PROS1: variants seen among roughly 807,000 people sequenced by gnomAD.
PROS1 encodes the protein vitamin K-dependent protein S.
Under a neutral mutation model 75.9 loss-of-function variants are expected in PROS1, and 29 were observed. The observed-to-expected ratio is 0.38, with a 90% CI of 0.28 to 0.52. The LOEUF (loss-of-function observed/expected upper bound fraction) is 0.52. Among genes scored for constraint, PROS1 ranks in the 20% least tolerant of loss-of-function variants. The pLI is 0.83. For synonymous variants in PROS1, 245 were observed against 280.6 expected (o/e 0.87, Z 1.27); for missense variants, 680 against 810.3 (o/e 0.84, Z 1.95).
chr3:93,885,517 C>T (rs373015891), intron 11 of PROS1, among the ~76,000 whole-genome samples: 19 of 152,160 alleles, frequency 1.2e-4, no homozygotes, highest in Non-Finnish European at 1.0e-4. Flanking sequence ...TGAACCACCA[C>T]GCCTGGCCTT....
chr3:93,875,815 T>C (rs1278375442), intron 14 of PROS1, among the ~76,000 whole-genome samples: 1 of 152,106 alleles, frequency 6.6e-6, no homozygotes, highest in Non-Finnish European at 1.5e-5. Context: ...TTATCAGAGG[T>C]CCAGACATCA....
chr3:93,972,932 T>TA (rs776881659), intron 1 of PROS1, among the ~76,000 whole-genome samples: 1 of 152,168 alleles, frequency 6.6e-6, no homozygotes, highest in Non-Finnish European at 1.5e-5. Context: ...TAAAATGTAC[T>TA]AATTGCCTTG....
chr3:93,956,422 G>C (rs1441031191), intron 1 of PROS1, among the ~76,000 whole-genome samples: 1 of 151,990 alleles, frequency 6.6e-6, no homozygotes, highest in Non-Finnish European at 1.5e-5. Context: ...GCCTAAGCCT[G>C]GGAGGCTGAG....
chr3:93,928,625 A>T, intron 1 of PROS1: 1 of 517,928 alleles, frequency 1.9e-6, no homozygotes, highest in Non-Finnish European at 3.3e-6. Flanking sequence ...CTCTGTGGAG[A>T]TTGTTGTTGA....
At chr3:93,946,920 T>C (rs1709411070) in intron 1 of PROS1, among the ~76,000 whole-genome samples, 1 of 151,016 alleles carries the variant, frequency 6.6e-6, no homozygotes, top group African/African-American at 2.4e-5. Context: ...TCTACCCATC[T>C]GACAAAGGGC....
chr3:93,928,714 A>AG, intron 1 of PROS1: 1 of 1,274,022 alleles, frequency 7.8e-7, no homozygotes, highest in Non-Finnish European at 1.0e-6. Context: ...CATATAGAAT[A>AG]GAAAAAATTG....
At chr3:93,921,115 C>T (rs1162980385) in intron 3 of PROS1, among the ~76,000 whole-genome samples, 1 of 152,130 alleles carries the variant, frequency 6.6e-6, no homozygotes, top group African/African-American at 2.4e-5. Context: ...AACTCCTGGC[C>T]TCAAGTGATC....
chr3:93,884,670 G>A (rs1708321007), intron 12 of PROS1, 58 bp downstream of exon 12: 4 of 1,489,742 alleles, frequency 2.7e-6, no homozygotes, highest in Non-Finnish European at 3.7e-6. Flanking sequence ...ATTACTGTTT[G>A]TTAATGAATA....
intron 1 of PROS1, among the ~76,000 whole-genome samples, chr3:93,958,350 T>A (rs1263332649): frequency 6.6e-6 from 1 of 152,122 alleles, no homozygotes; most frequent in African/African-American, 2.4e-5. Flanking sequence ...ATAGTTTAGG[T>A]CTTGCTAATG....
rs1264315849 is a variant in PROS1, at chr3:93,951,719, T to A, written c.76+21955A>T. Among the ~76,000 whole-genome samples, 5 of 152,242 alleles carry A rather than the reference T, an allele frequency of 3.3e-5. No homozygotes were observed. In the East Asian group the frequency reaches 7.7e-4, roughly 24 times the overall value. On this transcript the variant is annotated intron_variant, in intron 1 of 14. Coordinates refer to ENST00000394236, the MANE Select transcript of PROS1 (RefSeq NM_000313.4). Reference sequence around the variant, plus strand: ...GCAAAATAAACAGTTAACATCATAATGAAACATAACAATATTAACCTTAAA... The same window carrying A: ...GCAAAATAAACAGTTAACATCATAAAGAAACATAACAATATTAACCTTAAA...
At chr3:93,882,179 T>G (rs1708283234) in intron 12 of PROS1, among the ~76,000 whole-genome samples, 1 of 152,176 alleles carries the variant, frequency 6.6e-6, no homozygotes, top group Non-Finnish European at 1.5e-5. Context: ...GTAGAAATAT[T>G]AATTGATAAA....
intron 1 of PROS1, among the ~76,000 whole-genome samples, chr3:93,928,514 A>G (rs1250818198): frequency 6.7e-6 from 1 of 149,328 alleles, no homozygotes; most frequent in Non-Finnish European, 1.5e-5. Context: ...AGCCTGGGCA[A>G]TAGAGCAAGA....
At chr3:93,915,525 T>G (rs939488178) in intron 3 of PROS1, among the ~76,000 whole-genome samples, 1 of 152,196 alleles carries the variant, frequency 6.6e-6, no homozygotes, top group Non-Finnish European at 1.5e-5. Flanking sequence ...ATATTTTGCT[T>G]AGAAATCTCT....
Position 93,884,925 on chromosome 3 carries a change from T to C in PROS1, c.1324-29A>G, listed in dbSNP as rs1417053509. 3 of 1,597,504 alleles carry C rather than the reference T, an allele frequency of 1.9e-6. No homozygotes were observed. The East Asian group carries it at 6.7e-5, about 36-fold the overall frequency. ...ACAAATTAAAATACAAGTCAAGGAGTGCATTTTAAACTTAAACAGTGGCTC... is the reference window on the plus strand; with the variant it reads ...ACAAATTAAAATACAAGTCAAGGAGCGCATTTTAAACTTAAACAGTGGCTC... On this transcript the variant is annotated intron_variant, in intron 11 of 14. Coordinates refer to ENST00000394236, the MANE Select transcript of PROS1 (RefSeq NM_000313.4).
At chr3:93,964,722 C>T (rs1461649262) in intron 1 of PROS1, among the ~76,000 whole-genome samples, 1 of 152,166 alleles carries the variant, frequency 6.6e-6, no homozygotes, top group Non-Finnish European at 1.5e-5. Context: ...ACCCACTCCC[C>T]TTCTGAAATC....
At chr3:93,893,996 T>C (rs1265986792) in intron 9 of PROS1, among the ~76,000 whole-genome samples, 2 of 152,138 alleles carry the variant, frequency 1.3e-5, no homozygotes, top group Non-Finnish European at 2.9e-5. Flanking sequence ...AGAATCAGCA[T>C]TGAAGTTTCC....
Position 93,928,037 on chromosome 3 carries a change from C to A in PROS1, c.77-630G>T, listed in dbSNP as rs553455918. 1.6e-3 allele frequency among the ~76,000 whole-genome samples: 130 copies of A among 80,272 alleles called. 1 individual carries two copies. The East Asian group carries it at 0.041, about 25-fold the overall frequency. 52.7% of individuals were successfully genotyped at this position (80,272 alleles called of 152,430 possible). A position where few individuals can be genotyped will look rare whatever the true frequency, so the allele number is the denominator to read the frequency against. ...TTTTTTTTTTTTTTTTTTTTTGAGACGGAGTCTCGCTCTGTCGCCCAGGCT... is the reference window on the plus strand; with the variant it reads ...TTTTTTTTTTTTTTTTTTTTTGAGAAGGAGTCTCGCTCTGTCGCCCAGGCT... On this transcript the variant is annotated intron_variant, in intron 1 of 14. Coordinates refer to ENST00000394236, the MANE Select transcript of PROS1 (RefSeq NM_000313.4).
intron 1 of PROS1, among the ~76,000 whole-genome samples, chr3:93,940,472 T>C (rs1459518303): frequency 6.6e-6 from 1 of 152,174 alleles, no homozygotes; most frequent in African/African-American, 2.4e-5. Flanking sequence ...ACGTCTGGGC[T>C]TCTAAATCTC....
chr3:93,916,563 C>T (rs559585426), intron 3 of PROS1, among the ~76,000 whole-genome samples: 7 of 152,306 alleles, frequency 4.6e-5, no homozygotes, highest in African/African-American at 1.7e-4. Flanking sequence ...ACAGAACCCT[C>T]ATATTCCCAC....
Sources: allele counts gnomAD v4.1 joint callset (sites outside exome capture counted in the v4.1 genomes callset), GRCh38; gene constraint gnomAD v4.1.1; transcripts MANE v1.5; gene names NCBI Gene and HGNC (gene_info 2026-07-23, HGNC 2026-07-21).